SLC45A4: variants seen among roughly 807,000 people sequenced by gnomAD.
The protein encoded by SLC45A4 is solute carrier family 45 member 4, also known as polyamine-transporter SLC45A4.
SLC45A4 carries 32 observed loss-of-function variants against 63.7 expected under a neutral mutation model. The ratio of observed to expected loss-of-function variants is 0.50; its 90% CI spans 0.38 to 0.67. The LOEUF (loss-of-function observed/expected upper bound fraction) is 0.67. Among genes scored for constraint, SLC45A4 ranks in the 30% least tolerant of loss-of-function variants. SLC45A4 has a pLI of 0.00. For missense variants in SLC45A4, 1,027 were observed against 1,157.7 expected (o/e 0.89, Z 1.64); for synonymous variants, 535 against 510.0 (o/e 1.05, Z -0.66).
At chr8:141,288,517 C>A (rs1477563828) in intron 1 of SLC45A4, among the ~76,000 whole-genome samples, 1 of 152,262 alleles carries the variant, frequency 6.6e-6, no homozygotes, top group Admixed American at 6.5e-5. Context: ...GAGAAGCACA[C>A]TTCTCTTGCC....
chr8:141,300,728 T>C lies in SLC45A4; in HGVS notation c.-401+7368A>G, dbSNP rs575048850. ...CTTCTCTGCTTCTAACACACCTTTCTGTCAAATTAAAATTTAACCCGAGGC... is the reference window on the plus strand; with the variant it reads ...CTTCTCTGCTTCTAACACACCTTTCCGTCAAATTAAAATTTAACCCGAGGC... On this transcript the variant is annotated intron_variant, in intron 1 of 8. Coordinates refer to ENST00000517878, the MANE Select transcript of SLC45A4 (RefSeq NM_001286646.2). 1.2e-4 allele frequency among the ~76,000 whole-genome samples: 19 copies of C among 152,386 alleles called. No individual in the cohort carries two copies. In the South Asian group the frequency reaches 3.9e-3, roughly 32 times the overall value.
chr8:141,280,216 G>GC (rs1829883410), intron 1 of SLC45A4, among the ~76,000 whole-genome samples: 2 of 152,198 alleles, frequency 1.3e-5, no homozygotes, highest in African/African-American at 4.8e-5. Context: ...AATCCTCTGG[G>GC]CCCCACGTGC....
At chr8:141,264,221 G>C (rs116291090) in intron 1 of SLC45A4, among the ~76,000 whole-genome samples, 1,720 of 152,292 alleles carry the variant, frequency 0.011, 31 homozygotes, top group African/African-American at 0.039. Flanking sequence ...CCATATGCTC[G>C]AGTGTGGTGT....
chr8:141,301,733 TCAAAA>T (rs1830749487), intron 1 of SLC45A4, among the ~76,000 whole-genome samples: 1 of 10,934 alleles, frequency 9.1e-5, no homozygotes, highest in Non-Finnish European at 2.2e-4. Context: ...AGACCCTATC[TCAAAA>T]AAAAAAAAAA....
At chr8:141,228,252 G>A in intron 2 of SLC45A4, 1 of 1,613,926 alleles carries the variant, frequency 6.2e-7, no homozygotes, top group Non-Finnish European at 8.5e-7. Context: ...CTGAGGCTGG[G>A]CTTGCTTTCC....
chr8:141,258,883 CTCTT>C (rs1451174378), intron 1 of SLC45A4, among the ~76,000 whole-genome samples: 6 of 131,490 alleles, frequency 4.6e-5, no homozygotes, highest in Non-Finnish European at 3.3e-5. Flanking sequence ...ACAGTGAGAC[CTCTT>C]TTTTTTAAAA....
At chr8:141,266,964 A>T (rs767258997) in intron 1 of SLC45A4, among the ~76,000 whole-genome samples, 5 of 152,262 alleles carry the variant, frequency 3.3e-5, no homozygotes, top group African/African-American at 4.8e-5. Flanking sequence ...CTGGTCTGGC[A>T]AGCTGTCTTG....
At position 141,271,939 on chromosome 8, in the gene SLC45A4, T is replaced by TCA. The variant is rs533980181; in HGVS notation, c.-400-17312_-400-17311dup. Among the ~76,000 whole-genome samples the TCA allele has an allele frequency of 3.9e-3, 571 of 145,036 alleles. 8 individuals carry two copies. Among genetic ancestry groups the TCA allele is most frequent in the African/African-American group, 0.014 (545 of 38,636 alleles). On this transcript the variant is annotated intron_variant, in intron 1 of 8. Transcript: ENST00000517878. ...ACACGTGTGCAACACACACCTGCAT[T>TCA]CACACATGCACTCACACGTGTGCAA...
Position 141,238,067 on chromosome 8 carries a change from C to T in SLC45A4, c.241+15922G>A, listed in dbSNP as rs549188646. The stretch of plus-strand genomic sequence containing the variant: ...TCCTGAATGCTGTCCAGCCCACATA[C>T]GTGGTTCTCCCTCTAGTGTGCGGTT... On this transcript the variant is annotated intron_variant, in intron 2 of 8. Coordinates refer to ENST00000517878, the MANE Select transcript of SLC45A4 (RefSeq NM_001286646.2). Among the ~76,000 whole-genome samples, 46 of 152,362 alleles carry T rather than the reference C, an allele frequency of 3.0e-4. No individual in the cohort carries two copies. The South Asian group carries it at 7.7e-3, about 25-fold the overall frequency.
At position 141,217,178 on chromosome 8, in the gene SLC45A4, G is replaced by A. The variant is rs763821550; in HGVS notation, c.1641C>T (p.Asn547=). ...IFEGDPKAPS[N]STAWQAYNAG... ...CGTTGTAGGCTTGCCAGGCGGTCGA[G>A]TTCGAGGGGGCCTGTTCCGGAAATG... The change falls in exon 6 of 9, where the codon AAC becomes AAT. Residue 547 remains asparagine, a synonymous_variant. Transcript: ENST00000517878. The A allele has an allele frequency of 1.9e-6, 3 of 1,613,598 alleles. No homozygotes were observed. The South Asian group carries it at 3.3e-5, about 18-fold the overall frequency.
At chr8:141,295,344 G>A (rs950819143) in intron 1 of SLC45A4, among the ~76,000 whole-genome samples, 7 of 152,220 alleles carry the variant, frequency 4.6e-5, no homozygotes, top group African/African-American at 1.7e-4. Context: ...GTCCTGGCAG[G>A]AAGAGCCCAA....
At chr8:141,255,742 CA>C (rs11341085) in intron 1 of SLC45A4, among the ~76,000 whole-genome samples, 104,488 of 151,076 alleles carry the variant, frequency 0.69, 36,393 homozygotes, top group East Asian at 0.86. Flanking sequence ...AACAAACAAA[CA>C]AAAAAAACAA....
chr8:141,272,363 T>A (rs1242240540), intron 1 of SLC45A4, among the ~76,000 whole-genome samples: 1 of 152,212 alleles, frequency 6.6e-6, no homozygotes, highest in African/African-American at 2.4e-5. Context: ...TCTCGCAGAC[T>A]GGGCTCTGTC....
Position 141,254,375 on chromosome 8 carries a change from A to G in SLC45A4, c.-146T>C. ...GTAACACTTACATTCCTCTTTGCACAAGTGGCTATCTCACAACTTCTCACA... is the reference window on the plus strand; with the variant it reads ...GTAACACTTACATTCCTCTTTGCACGAGTGGCTATCTCACAACTTCTCACA... On this transcript the variant is annotated 5_prime_UTR_variant, in exon 2 of 9. Coordinates refer to ENST00000517878, the MANE Select transcript of SLC45A4 (RefSeq NM_001286646.2). This position sits in a 1 kb window ranked among gnomAD's most constrained non-coding sequence, Gnocchi z 4.5. The G allele has an allele frequency of 1.0e-6, 1 of 952,786 alleles. No individual in the cohort carries two copies. Among genetic ancestry groups the G allele is most frequent in the Non-Finnish European group, 1.5e-6 (1 of 655,376 alleles). 59.0% of individuals were successfully genotyped at this position (952,786 alleles called of 1,614,324 possible).
At chr8:141,235,961 G>A (rs970012043) in intron 2 of SLC45A4, among the ~76,000 whole-genome samples, 6 of 152,096 alleles carry the variant, frequency 3.9e-5, no homozygotes, top group Non-Finnish European at 7.4e-5. Context: ...AAAATTAGCC[G>A]GGTGTGGTGG....
At chr8:141,287,068 G>C (rs1367471652) in intron 1 of SLC45A4, among the ~76,000 whole-genome samples, 2 of 152,106 alleles carry the variant, frequency 1.3e-5, no homozygotes. Context: ...ACCGCTCCAG[G>C]TCATGTGCGA....
intron 1 of SLC45A4, among the ~76,000 whole-genome samples, chr8:141,263,193 G>A (rs1197899062): frequency 2.0e-4 from 25 of 124,776 alleles, no homozygotes; most frequent in Middle Eastern, 4.5e-3. Context: ...GAAGGGGACC[G>A]TCACACGCCG....
In SLC45A4 at chr8:141,212,553, T is replaced by G. The variant is rs1232877088; in HGVS notation, c.1945A>C (p.Ile649Leu). The change falls in exon 8 of 9, where the codon ATC (isoleucine) becomes CTC (leucine). Residue 649 changes from isoleucine (I) to leucine (L), a missense_variant. Physicochemically the swap from Ile to Leu is conservative, Grantham distance 5. Coordinates refer to ENST00000517878, the MANE Select transcript of SLC45A4 (RefSeq NM_001286646.2). ...LGQYHDIKQY[I>L]HHSPGNSKRG... ...TTGGAGTTCCCGGGGCTGTGGTGGA[T>G]GTACTGCAAGAGAGGAAACACGAGG... 1 of 1,602,064 alleles carries G rather than the reference T, an allele frequency of 6.2e-7. No individual in the cohort carries two copies. The highest frequency in any genetic ancestry group is 2.2e-5 in the East Asian group (1 of 44,614).
intron 2 of SLC45A4, among the ~76,000 whole-genome samples, chr8:141,228,996 C>T (rs1314652535): frequency 6.6e-6 from 1 of 152,080 alleles, no homozygotes; most frequent in Non-Finnish European, 1.5e-5. Context: ...GCTGCCTCCT[C>T]GGCTGCACAT....
Sources: gnomAD v4.1 joint callset for allele counts (sites outside exome capture counted in the v4.1 genomes callset) on GRCh38, gnomAD v4.1.1 for gene constraint, Gnocchi (gnomAD v3.1) non-coding constraint, MANE v1.5 for transcripts, NCBI Gene and HGNC (gene_info 2026-07-23, HGNC 2026-07-21) for gene names.